The following ATP9B variants were observed in gnomAD, a reference collection of about 807,000 sequenced individuals.
ATP9B encodes ATPase phospholipid transporting 9B, also known as probable phospholipid-transporting ATPase IIB.
ATP9B carries 110 observed loss-of-function variants against 146.1 expected under a neutral mutation model. The ratio of observed to expected loss-of-function variants is 0.75; its 90% CI spans 0.65 to 0.88. ATP9B has a LOEUF of 0.88. Among genes scored for constraint, ATP9B ranks in the 40% least tolerant of loss-of-function variants. The pLI is 0.00. For synonymous variants in ATP9B, 604 were observed against 569.7 expected (o/e 1.06, Z -0.86); for missense variants, 1,499 against 1,496.4 (o/e 1.00, Z -0.03).
intron 15 of ATP9B, among the ~76,000 whole-genome samples, chr18:79,313,063 G>T (rs575744402): frequency 1.3e-5 from 2 of 152,178 alleles, no homozygotes; most frequent in African/African-American, 4.8e-5. Flanking sequence ...CAGTGGGCAC[G>T]ATTGTTAAGC....
intron 1 of ATP9B, chr18:79,085,904 C>T (rs2073777821): frequency 6.6e-6 from 1 of 151,998 alleles, no homozygotes; most frequent in Admixed American, 6.6e-5. Flanking sequence ...TACTAGATTT[C>T]TCATTCTGAG....
chr18:79,234,276 C>T (rs981518225), intron 11 of ATP9B, among the ~76,000 whole-genome samples: 15 of 152,130 alleles, frequency 9.9e-5, no homozygotes, highest in African/African-American at 3.1e-4. Flanking sequence ...AAAGGAAAAA[C>T]TTCTGGATTT....
intron 15 of ATP9B, among the ~76,000 whole-genome samples, chr18:79,320,463 C>T (rs2096709166): frequency 6.6e-6 from 1 of 152,168 alleles, no homozygotes; most frequent in South Asian, 2.1e-4. Context: ...TCCACACACA[C>T]CAGGGGCATG....
rs778552494 is a variant in ATP9B, at chr18:79,110,448, A to T, written c.387A>T (p.Lys129Asn). Reference sequence around the variant, plus strand: ...GATGTCCTGAAAAGTGTGAAGAAAAACATCCCAGGAATTCTATAAAAAATC... The same window carrying T: ...GATGTCCTGAAAAGTGTGAAGAAAATCATCCCAGGAATTCTATAAAAAATC... ...WLGCPEKCEE[K>N]HPRNSIKNQK... The change falls in exon 3 of 30, where the codon AAA (lysine) becomes AAT (asparagine). Residue 129 changes from lysine to asparagine, a missense_variant. Transcript: ENST00000426216. 2 of 1,613,144 alleles carry T rather than the reference A, an allele frequency of 1.2e-6. No homozygotes were observed. The highest frequency in any genetic ancestry group is 3.3e-5 in the Admixed American group (2 of 59,938).
intron 2 of ATP9B, among the ~76,000 whole-genome samples, chr18:79,110,030 C>T (rs2075898774): frequency 6.6e-6 from 1 of 152,128 alleles, no homozygotes; most frequent in Admixed American, 6.5e-5. Flanking sequence ...CAGTAGGTAA[C>T]CTATAGCTAT....
rs367621177 is a variant in ATP9B, at chr18:79,145,973, A to G, written c.726+2113A>G. On this transcript the variant is annotated intron_variant, in intron 6 of 29. Transcript: ENST00000426216. ...GGTGTGCAGAGTGACTGAAGGTGCA[A>G]GCTGCATGTCAGGGGAGCTGCCGGT... 105 of 73,442 alleles carry G rather than the reference A, an allele frequency of 1.4e-3. 1 individual carries two copies. The highest frequency in any genetic ancestry group is 2.9e-3 in the East Asian group (6 of 2,056). 4.5% of individuals were successfully genotyped at this position (73,442 alleles called of 1,614,324 possible).
Position 79,307,154 on chromosome 18 carries a change from A to T in ATP9B, c.1693A>T (p.Thr565Ser). The change falls in exon 15 of 30, where the codon ACT becomes TCT. Residue 565 changes from threonine to serine, a missense_variant. Transcript: ENST00000426216. Reference protein sequence around the residue: ...TPVYESRAGVTEETEFAEADQ... With the variant: ...TPVYESRAGVSEETEFAEADQ... ...CGTGTATGAGTCTCGGGCCGGCGTT[A>T]CTGAGGAGACTGAGTTCGCAGAGGC... 1 of 1,614,196 alleles carries T rather than the reference A, an allele frequency of 6.2e-7. No homozygotes were observed. Among genetic ancestry groups the T allele is most frequent in the Non-Finnish European group, 8.5e-7 (1 of 1,180,044 alleles).
intron 26 of ATP9B, chr18:79,361,600 C>CT: frequency 2.0e-5 from 4 of 197,876 alleles, no homozygotes; most frequent in Non-Finnish European, 3.6e-5. Flanking sequence ...TGCATTGTAA[C>CT]TTTTTTTTAA....
chr18:79,223,343 ATCTTT>A (rs560015155), intron 11 of ATP9B, among the ~76,000 whole-genome samples: 23 of 152,170 alleles, frequency 1.5e-4, no homozygotes, highest in Non-Finnish European at 2.9e-4. Context: ...ACTTATTTTT[ATCTTT>A]TCTTGTAGTT....
At chr18:79,164,054 G>A (rs1188769199) in intron 7 of ATP9B, among the ~76,000 whole-genome samples, 8 of 151,994 alleles carry the variant, frequency 5.3e-5, no homozygotes, top group African/African-American at 1.9e-4. Flanking sequence ...GAGTAGCTGG[G>A]ACTACAGGTG....
chr18:79,367,486 T>C (rs934919436), intron 26 of ATP9B, among the ~76,000 whole-genome samples: 3 of 142,672 alleles, frequency 2.1e-5, no homozygotes, highest in African/African-American at 8.2e-5. Flanking sequence ...TATCTTCACC[T>C]GCACTGTGTG....
rs1280561144 is a variant in ATP9B at position 79,296,967 on chromosome 18, GAGACAGAGAGATGACCCAGAGAGA to G, written c.1412-6631_1412-6608del. Among the ~76,000 whole-genome samples the G allele has an allele frequency of 1.8e-4, 27 of 149,460 alleles. No homozygotes were observed. In the East Asian group the frequency reaches 4.6e-3, roughly 25 times the overall value. On this transcript the variant is annotated intron_variant, in intron 13 of 29. Coordinates refer to ENST00000426216, the MANE Select transcript of ATP9B (RefSeq NM_198531.5). ...GGAGAAAGAGAGATGACCCAGAGAG[GAGACAGAGAGATGACCCAGAGAGA>G]AGACACAGACGACCCAGAGAGAAGA...
chr18:79,316,661 C>T (rs1346253496), intron 15 of ATP9B, among the ~76,000 whole-genome samples: 3 of 152,092 alleles, frequency 2.0e-5, no homozygotes, highest in Non-Finnish European at 4.4e-5. Context: ...TCAGAGAGCA[C>T]CTGGTACCCT....
At position 79,184,490 on chromosome 18, in the gene ATP9B, G is replaced by T. The variant is rs138981806; in HGVS notation, c.873+7583G>T. On this transcript the variant is annotated intron_variant, in intron 8 of 29. Transcript: ENST00000426216. ...CCTCGCTCTGCTTCCCAGGGTTTTC[G>T]ACTTGCTTTTGGTTTTTTTTTATGT... 3.0e-4 allele frequency among the ~76,000 whole-genome samples: 45 copies of T among 151,958 alleles called. 2 individuals are homozygous for T. The East Asian group carries it at 8.7e-3, about 29-fold the overall frequency.
chr18:79,292,868 G>A lies in ATP9B; in HGVS notation c.1412-10736G>A, dbSNP rs562230408. On this transcript the variant is annotated intron_variant, in intron 13 of 29. Transcript: ENST00000426216. Reference sequence around the variant, plus strand: ...GATCTCCTGGGCTTAAGTGATCCTCGTGCCTCAGCACCCAAAATGCTGGGA... The same window carrying A: ...GATCTCCTGGGCTTAAGTGATCCTCATGCCTCAGCACCCAAAATGCTGGGA... Among the ~76,000 whole-genome samples, 96 of 151,858 alleles carry A rather than the reference G, an allele frequency of 6.3e-4. 1 individual carries two copies. Among genetic ancestry groups the A allele is most frequent in the Non-Finnish European group, 9.6e-4 (65 of 67,980 alleles).
At chr18:79,143,441 G>A (rs764836665) in intron 5 of ATP9B, among the ~76,000 whole-genome samples, 8 of 152,064 alleles carry the variant, frequency 5.3e-5, no homozygotes, top group South Asian at 2.1e-4. Context: ...TTAACTTAAG[G>A]ATTTTTACAT....
At chr18:79,222,911 A>C (rs2148502689) in intron 11 of ATP9B, among the ~76,000 whole-genome samples, 1 of 152,356 alleles carries the variant, frequency 6.6e-6, no homozygotes, top group South Asian at 2.1e-4. Context: ...AGGGAGAAAA[A>C]TTCTTGTGGA....
At chr18:79,221,730 A>G (rs931425999) in intron 11 of ATP9B, among the ~76,000 whole-genome samples, 9 of 152,072 alleles carry the variant, frequency 5.9e-5, no homozygotes, top group African/African-American at 2.2e-4. Context: ...CAGAACAAAC[A>G]AACAAAACTC....
At chr18:79,192,965 C>G (rs2095382258) in intron 8 of ATP9B, among the ~76,000 whole-genome samples, 1 of 152,136 alleles carries the variant, frequency 6.6e-6, no homozygotes, top group African/African-American at 2.4e-5. Context: ...GATTTTGACT[C>G]ACACCTGCTG....
Sources: allele counts gnomAD v4.1 joint callset (sites outside exome capture counted in the v4.1 genomes callset), GRCh38; gene constraint gnomAD v4.1.1; transcripts MANE v1.5; gene names NCBI Gene and HGNC (gene_info 2026-07-23, HGNC 2026-07-21).